The following CCSER1 variants were observed in gnomAD, a reference collection of about 807,000 sequenced individuals.
The protein encoded by CCSER1 is serine-rich coiled-coil domain-containing protein 1.
A neutral mutation model predicts 82.0 loss-of-function variants in CCSER1; 41 were observed. The ratio of observed to expected loss-of-function variants is 0.50; its 90% CI spans 0.39 to 0.65. CCSER1 has a LOEUF of 0.65. CCSER1 is among the 30% of genes least tolerant of loss of function. CCSER1 has a pLI of 0.00. For missense variants in CCSER1, 1,119 were observed against 1,064.2 expected, an observed-to-expected ratio of 1.05 and a Z score of -0.72; for synonymous variants, 414 against 383.9, an observed-to-expected ratio of 1.08 and a Z score of -0.92.
chr4:90,520,061 TG>T, intron 5 of CCSER1, among the ~76,000 whole-genome samples: 1 of 152,012 alleles, frequency 6.6e-6, no homozygotes, highest in South Asian at 2.1e-4. Context: ...TTACCTAATA[TG>T]TAAGATGAAT....
intron 10 of CCSER1, among the ~76,000 whole-genome samples, chr4:91,399,461 A>G (rs1013513789): frequency 3.9e-5 from 6 of 152,084 alleles, no homozygotes; most frequent in Admixed American, 1.3e-4. Flanking sequence ...AAACACTTCA[A>G]TTTTTATCCC....
intron 5 of CCSER1, among the ~76,000 whole-genome samples, chr4:90,494,493 A>G (rs1189571021): frequency 6.6e-6 from 1 of 152,190 alleles, no homozygotes. Flanking sequence ...CACTTATTCC[A>G]AAACTGACTA....
chr4:91,124,878 A>G (rs1727373879), intron 10 of CCSER1, among the ~76,000 whole-genome samples: 1 of 151,678 alleles, frequency 6.6e-6, no homozygotes, highest in Non-Finnish European at 1.5e-5. Flanking sequence ...TTTAAATTTT[A>G]TGATATTGAA....
intron 8 of CCSER1, among the ~76,000 whole-genome samples, chr4:90,871,041 G>A (rs1314703572): frequency 1.4e-5 from 2 of 145,728 alleles, no homozygotes; most frequent in African/African-American, 5.1e-5. Context: ...CCTTTTTTTT[G>A]TCTTTTATTT....
chr4:90,643,785 CAT>C (rs1185063599), intron 6 of CCSER1, among the ~76,000 whole-genome samples: 1 of 151,318 alleles, frequency 6.6e-6, no homozygotes, highest in Admixed American at 6.6e-5. Flanking sequence ...CTTTAGCAGT[CAT>C]AGGTTTCTTT....
chr4:90,211,957 CAGAA>C (rs1039405729), intron 1 of CCSER1, among the ~76,000 whole-genome samples: 1 of 152,156 alleles, frequency 6.6e-6, no homozygotes, highest in African/African-American at 2.4e-5. Context: ...ACGATCTTAG[CAGAA>C]TGTCAAGTTC....
At chr4:91,257,472 T>C (rs373514094) in intron 10 of CCSER1, among the ~76,000 whole-genome samples, 2 of 149,000 alleles carry the variant, frequency 1.3e-5, no homozygotes, top group Non-Finnish European at 3.0e-5. Flanking sequence ...AATACATACC[T>C]ACACACACAC....
chr4:90,609,585 G>A (rs1785181452), intron 5 of CCSER1, among the ~76,000 whole-genome samples: 1 of 152,062 alleles, frequency 6.6e-6, no homozygotes, highest in Non-Finnish European at 1.5e-5. Flanking sequence ...ATTTTAGAAG[G>A]AAAACTATAG....
intron 1 of CCSER1, among the ~76,000 whole-genome samples, chr4:90,167,189 A>G (rs548449538): frequency 7.9e-5 from 12 of 152,266 alleles, no homozygotes; most frequent in African/African-American, 2.9e-4. Flanking sequence ...TAAATATTAA[A>G]GTATCAAGAA....
At chr4:90,950,075 T>C (rs2150351844) in intron 9 of CCSER1, among the ~76,000 whole-genome samples, 1 of 152,228 alleles carries the variant, frequency 6.6e-6, no homozygotes, top group East Asian at 1.9e-4. Flanking sequence ...AGGAATGCTT[T>C]TGTTACATTG....
At chr4:90,277,324 A>C (rs1728015727) in intron 1 of CCSER1, among the ~76,000 whole-genome samples, 2 of 152,150 alleles carry the variant, frequency 1.3e-5, no homozygotes, top group African/African-American at 2.4e-5. Flanking sequence ...AATTCACATG[A>C]AGTTAAAAGA....
intron 7 of CCSER1, among the ~76,000 whole-genome samples, chr4:90,736,033 T>C (rs1041083787): frequency 1.3e-5 from 2 of 152,170 alleles, no homozygotes; most frequent in Non-Finnish European, 2.9e-5. Flanking sequence ...ATTGTGTTGT[T>C]GATTTTTCAT....
intron 10 of CCSER1, among the ~76,000 whole-genome samples, chr4:91,353,641 C>T (rs981946052): frequency 3.3e-5 from 5 of 152,114 alleles, no homozygotes; most frequent in East Asian, 3.9e-4. Flanking sequence ...TGGGAGTTCT[C>T]ACTCTTATTT....
At chr4:90,537,499 T>A (rs1775560641) in intron 5 of CCSER1, among the ~76,000 whole-genome samples, 3 of 152,208 alleles carry the variant, frequency 2.0e-5, no homozygotes, top group Non-Finnish European at 4.4e-5. Context: ...TGTCCGTTTT[T>A]TCCACTTTTG....
At chr4:90,744,948 T>G in intron 7 of CCSER1, among the ~76,000 whole-genome samples, 1 of 134,346 alleles carries the variant, frequency 7.4e-6, no homozygotes, top group East Asian at 2.1e-4. Context: ...AATTCATACA[T>G]TTTATATATA....
chr4:91,338,751 G>T (rs1026315796), intron 10 of CCSER1, among the ~76,000 whole-genome samples: 1 of 152,122 alleles, frequency 6.6e-6, no homozygotes, highest in African/African-American at 2.4e-5. Flanking sequence ...TGGCATTTCA[G>T]TATCATGTGG....
chr4:91,316,978 A>G (rs894672200), intron 10 of CCSER1, among the ~76,000 whole-genome samples: 3 of 151,992 alleles, frequency 2.0e-5, no homozygotes, highest in African/African-American at 7.2e-5. Flanking sequence ...GCTATCTTAC[A>G]CAGCATGGTG....
chr4:90,581,366 T>C (rs1402092955), intron 5 of CCSER1, among the ~76,000 whole-genome samples: 1 of 152,128 alleles, frequency 6.6e-6, no homozygotes, highest in Non-Finnish European at 1.5e-5. Flanking sequence ...AGTTTAATAA[T>C]TTATTTTTCT....
chr4:90,992,278 A>G (rs1279615947), intron 9 of CCSER1, among the ~76,000 whole-genome samples: 1 of 152,080 alleles, frequency 6.6e-6, no homozygotes, highest in Non-Finnish European at 1.5e-5. Context: ...TACTAAAAGC[A>G]GATACATCGA....
Sources: gnomAD v4.1 joint callset for allele counts (sites outside exome capture counted in the v4.1 genomes callset) on GRCh38, gnomAD v4.1.1 for gene constraint, MANE v1.5 for transcripts, NCBI Gene and HGNC (gene_info 2026-07-23, HGNC 2026-07-21) for gene names.